GASK1A: variants seen among roughly 807,000 people sequenced by gnomAD.
GASK1A encodes golgi associated kinase 1A.
A neutral mutation model predicts 41.2 loss-of-function variants in GASK1A; 40 were observed. That is an observed-to-expected ratio of 0.97 (90% CI 0.75 to 1.27). The LOEUF (loss-of-function observed/expected upper bound fraction) is 1.27. GASK1A is among the 50% of genes most tolerant of loss of function. The probability of loss-of-function intolerance (pLI) is 0.00; values close to 1 mark genes in which losing one functional copy is unlikely to be tolerated. For synonymous variants in GASK1A, 316 were observed against 307.1 expected (o/e 1.03, Z -0.30); for missense variants, 678 against 745.1 (o/e 0.91, Z 1.05).
chr3:43,029,168 T>G (rs535133688), intron 1 of GASK1A, among the ~76,000 whole-genome samples: 18 of 151,790 alleles, frequency 1.2e-4, no homozygotes, highest in Non-Finnish European at 2.5e-4. Flanking sequence ...TGGCCCTGAG[T>G]CGCCTTGTAT....
chr3:43,056,319 G>C lies in GASK1A; in HGVS notation c.1661G>C (p.Arg554Pro), dbSNP rs935144635. ...LKQVLQTLEQ[R>P]GQVLLGHIQK... is the part of the protein sequence containing the mutation. ...CAGGTCCTCCAGACCCTGGAGCAGC[G>C]AGGACAGGTGCTGCTGGGACACATC... Residue 554 changes from arginine to proline, a missense_variant, in exon 5 of 5, where the codon CGA becomes CCA. Transcript: ENST00000430121. 4 of 1,551,412 alleles carry C rather than the reference G, an allele frequency of 2.6e-6. No individual in the cohort carries two copies. In the African/African-American group the frequency reaches 5.5e-5, roughly 21 times the overall value.
At chr3:43,044,786 A>G (rs925848037) in intron 2 of GASK1A, among the ~76,000 whole-genome samples, 5 of 152,172 alleles carry the variant, frequency 3.3e-5, no homozygotes, top group African/African-American at 9.7e-5. Context: ...CTAAATTTAC[A>G]TGAAATTCAA....
chr3:43,024,134 T>C (rs142392179), intron 1 of GASK1A, among the ~76,000 whole-genome samples: 32 of 152,258 alleles, frequency 2.1e-4, no homozygotes, highest in African/African-American at 6.5e-4. Context: ...GTTAGCTAAT[T>C]CTTAAGAAGA....
At chr3:42,997,836 C>G in intron 1 of GASK1A, among the ~76,000 whole-genome samples, 1 of 152,190 alleles carries the variant, frequency 6.6e-6, no homozygotes, top group South Asian at 2.1e-4. Flanking sequence ...GACAGCAGTA[C>G]GGAGGGAGGA....
intron 1 of GASK1A, among the ~76,000 whole-genome samples, chr3:43,001,103 C>T (rs1013838467): frequency 1.3e-5 from 2 of 152,160 alleles, no homozygotes; most frequent in Admixed American, 6.5e-5. Context: ...CCCTCCCTGT[C>T]CACCAGACAC....
chr3:42,981,788 T>A (rs1575432023), intron 1 of GASK1A, among the ~76,000 whole-genome samples: 1 of 152,316 alleles, frequency 6.6e-6, no homozygotes. Context: ...CTAAAATAGT[T>A]TTTGGGAAAT....
chr3:43,000,453 A>G (rs546879872), intron 1 of GASK1A, among the ~76,000 whole-genome samples: 2 of 152,358 alleles, frequency 1.3e-5, no homozygotes, highest in East Asian at 3.9e-4. Flanking sequence ...AATCAGCAAG[A>G]TTCTCCAGGC....
intron 1 of GASK1A, among the ~76,000 whole-genome samples, chr3:43,023,091 T>C (rs2089530027): frequency 6.6e-6 from 1 of 152,220 alleles, no homozygotes. Context: ...GCAGATCTGA[T>C]TTAGGATCTT....
chr3:43,009,592 C>G (rs1004145081), intron 1 of GASK1A, among the ~76,000 whole-genome samples: 1 of 152,186 alleles, frequency 6.6e-6, no homozygotes, highest in Non-Finnish European at 1.5e-5. Context: ...ATTTTGAAGT[C>G]TCTTTTTCGA....
chr3:43,003,658 A>G (rs577782237), intron 1 of GASK1A, among the ~76,000 whole-genome samples: 1 of 152,304 alleles, frequency 6.6e-6, no homozygotes, highest in Admixed American at 6.5e-5. Flanking sequence ...CAGTGGGTAT[A>G]CTAGACAATC....
rs866865751 is a variant in GASK1A, at chr3:43,056,276, G to A, written c.1618G>A (p.Gly540Arg). The change falls in exon 5 of 5, where the codon GGA (glycine) becomes AGA (arginine). Residue 540 changes from glycine (G) to arginine (R), a missense_variant. Gly to Arg is a moderately radical substitution (Grantham distance 125, BLOSUM62 -2). Transcript: ENST00000430121. ...CCCAGTGTTCTGGGAAAGCCAAGGC[G>A]GAGCCCAGGGGCTGAAGCAGGTCCT... ...MDPVFWESQG[G>R]AQGLKQVLQT... 6.8e-5 allele frequency: 105 copies of A among 1,551,688 alleles called. No homozygotes were observed. Among genetic ancestry groups the A allele is most frequent in the African/African-American group, 4.2e-4 (31 of 73,166 alleles).
At chr3:42,985,618 T>C (rs1300678044) in intron 1 of GASK1A, among the ~76,000 whole-genome samples, 6 of 146,984 alleles carry the variant, frequency 4.1e-5, no homozygotes, top group Non-Finnish European at 9.0e-5. Context: ...TGGTAGGTGG[T>C]AGGTTCAGGG....
intron 1 of GASK1A, among the ~76,000 whole-genome samples, chr3:43,018,564 A>G (rs999058012): frequency 6.6e-6 from 1 of 152,176 alleles, no homozygotes; most frequent in Admixed American, 6.5e-5. Context: ...TACCTCTCAA[A>G]TATGCCCAGC....
Position 43,033,367 on chromosome 3 carries a change from C to T in GASK1A, c.1104C>T (p.Val368=), listed in dbSNP as rs1401815406. 2 of 1,551,608 alleles carry T rather than the reference C, an allele frequency of 1.3e-6. No homozygotes were observed. The highest frequency in any genetic ancestry group is 2.0e-5 in the Admixed American group (1 of 51,010). Residue 368 remains valine (V), a synonymous_variant, in exon 2 of 5, where the codon GTC becomes GTT. Transcript: ENST00000430121. ...ACACAGACGGTGGAGCAAGGCCTGT[C>T]ATCTGGTGGGCACCCGATGTGCAGC... ...YRYTDGGARP[V]IWWAPDVQHL...
intron 2 of GASK1A, among the ~76,000 whole-genome samples, chr3:43,050,268 G>A (rs2089682822): frequency 6.6e-6 from 1 of 152,038 alleles, no homozygotes; most frequent in Non-Finnish European, 1.5e-5. Context: ...CTTAATTTTT[G>A]AAGGATAGTT....
chr3:42,998,335 G>A (rs2089387959), intron 1 of GASK1A, among the ~76,000 whole-genome samples: 1 of 152,144 alleles, frequency 6.6e-6, no homozygotes, highest in African/African-American at 2.4e-5. Flanking sequence ...AGACGCACTC[G>A]GGACTGGACC....
At position 43,020,706 on chromosome 3, in the gene GASK1A, T is replaced by A. The variant is rs559991693; in HGVS notation, c.4-11561T>A. On this transcript the variant is annotated intron_variant, in intron 1 of 4. Transcript: ENST00000430121. ...TTGGGTAGGCTGGGCCTGGTGAGCA[T>A]GGCTGGGTTGGCTCCAGGCTGGAGG... is the stretch of plus-strand genomic sequence containing the variant. 3.5e-4 allele frequency among the ~76,000 whole-genome samples: 53 copies of A among 152,356 alleles called. 1 individual carries two copies. The highest frequency in any genetic ancestry group is 6.5e-4 in the Non-Finnish European group (44 of 68,022).
In GASK1A at chr3:43,006,227, C is replaced by T. The variant is rs144977077; in HGVS notation, c.4-26040C>T. On this transcript the variant is annotated intron_variant, in intron 1 of 4. Transcript: ENST00000430121. ...GTCGCTTTCTTGGTCGGTGCACAGC[C>T]GTTGGCTTAGGATCCTCCTTTCCCA... Among the ~76,000 whole-genome samples, 414 of 152,290 alleles carry T rather than the reference C, an allele frequency of 2.7e-3. 3 individuals are homozygous for T. The highest frequency in any genetic ancestry group is 9.5e-3 in the African/African-American group (393 of 41,550).
intron 1 of GASK1A, among the ~76,000 whole-genome samples, chr3:43,016,746 G>A (rs1174351245): frequency 6.6e-6 from 1 of 152,146 alleles, no homozygotes; most frequent in Non-Finnish European, 1.5e-5. Flanking sequence ...CACAGGAAGA[G>A]TCTGTGTGAA....
Sources: allele counts gnomAD v4.1 joint callset (sites outside exome capture counted in the v4.1 genomes callset), GRCh38; gene constraint gnomAD v4.1.1; transcripts MANE v1.5; gene names NCBI Gene and HGNC (gene_info 2026-07-23, HGNC 2026-07-21).